RIF1: variants seen among roughly 807,000 people sequenced by gnomAD.
RIF1 encodes telomere-associated protein RIF1.
RIF1 carries 45 observed loss-of-function variants against 247.1 expected under a neutral mutation model. The observed-to-expected ratio is 0.18, with a 90% CI of 0.14 to 0.23. The LOEUF is 0.23. Among genes scored for constraint, RIF1 ranks in the 10% least tolerant of loss-of-function variants. The pLI, the probability that RIF1 is intolerant of heterozygous loss-of-function variation, is 1.00. For synonymous variants in RIF1, 1,087 were observed against 978.8 expected (o/e 1.11, Z -2.06); for missense variants, 2,967 against 2,862.5 (o/e 1.04, Z -0.83).
chr2:151,414,767 TA>T, intron 3 of RIF1, 55 bp from the exon 4 acceptor site: 3 of 1,271,976 alleles, frequency 2.4e-6, no homozygotes, highest in Non-Finnish European at 3.4e-6. Context: ...TTCTGCTTTC[TA>T]AAAATTGATT....
downstream of RIF1, among the ~76,000 whole-genome samples, chr2:151,484,507 A>T (rs766555736): frequency 2.6e-5 from 4 of 152,232 alleles, no homozygotes; most frequent in Non-Finnish European, 5.9e-5. Context: ...GAGACACAAG[A>T]ATCACTTGAA....
At chr2:151,500,264 C>T (rs2063429137) in intron 11 of RIF1, among the ~76,000 whole-genome samples, 1 of 152,040 alleles carries the variant, frequency 6.6e-6, no homozygotes, top group South Asian at 2.1e-4. Context: ...AAGAATCAAA[C>T]TTTTAGAATA....
downstream of RIF1, among the ~76,000 whole-genome samples, chr2:151,509,545 A>AT (rs1373600194): frequency 6.6e-6 from 1 of 152,124 alleles, no homozygotes; most frequent in Non-Finnish European, 1.5e-5. Flanking sequence ...CCCAGACCAA[A>AT]TTGAGGGTTG....
intron 11 of RIF1, 23 bp from the exon 12 acceptor site, chr2:151,436,804 C>T (rs201306875): frequency 7.8e-4 from 1,149 of 1,477,150 alleles, no homozygotes; most frequent in Non-Finnish European, 9.4e-4. Context: ...TATGACTTAA[C>T]TCTTTTTTTT....
At chr2:151,487,442 TC>T (rs1190953604) in intron 9 of RIF1, among the ~76,000 whole-genome samples, 2 of 152,194 alleles carry the variant, frequency 1.3e-5, no homozygotes, top group African/African-American at 4.8e-5. Flanking sequence ...AGATTTCCTT[TC>T]CCCTTTGCAT....
At position 151,436,227 on chromosome 2, in the gene RIF1, A is replaced by G. The variant is rs528419963; in HGVS notation, c.1196-600A>G. The stretch of plus-strand genomic sequence containing the variant: ...GGCGACAGAGTGAGACTCAGTCTCA[A>G]AAAAAACAAAATAAAACAAAAACAA... On this transcript the variant is annotated intron_variant, in intron 11 of 35. Transcript: ENST00000444746. Among the ~76,000 whole-genome samples, 4 of 152,126 alleles carry G rather than the reference A, an allele frequency of 2.6e-5. No individual in the cohort carries two copies. In the East Asian group the frequency reaches 7.7e-4, roughly 29 times the overall value.
At chr2:151,410,642 A>G in intron 2 of RIF1, 115 bp downstream of exon 2, 1 of 841,794 alleles carries the variant, frequency 1.2e-6, no homozygotes. Flanking sequence ...AGCAAATGTG[A>G]GGACGCCCGA....
the RIF1 span, chr2:151,519,826 G>T: frequency 8.7e-7 from 1 of 1,149,788 alleles, no homozygotes. Flanking sequence ...TTGGGAATTG[G>T]GGAATAGTAG....
At position 151,428,857 on chromosome 2, in the gene RIF1, C is replaced by T. The variant is rs1264161218; in HGVS notation, c.860C>T (p.Pro287Leu). 2.6e-6 allele frequency: 4 copies of T among 1,553,044 alleles called. No individual in the cohort carries two copies. The highest frequency in any genetic ancestry group is 2.7e-6 in the Non-Finnish European group (3 of 1,124,728). Residue 287 changes from proline to leucine, a missense_variant, in exon 9 of 36, where the codon CCC becomes CTC. Pro to Leu is a moderately conservative substitution (Grantham distance 98). This residue lies in a region of RIF1 where 71 missense variants were observed against 132.9 expected (regional missense o/e 0.53). Coordinates refer to ENST00000444746, the MANE Select transcript of RIF1 (RefSeq NM_018151.5). ...GAACTTGGATTTCGTAGTGGAGCAC[C>T]CATGATTAAAAAGATAGCTTTTATT... The part of the protein sequence containing the change: ...LEELGFRSGA[P>L]MIKKIAFIAW...
In RIF1 at chr2:151,494,218, T is replaced by TG. The variant is rs1330332139; in HGVS notation, c.*416-1010dup. 3 of 1,606,494 alleles carry TG rather than the reference T, an allele frequency of 1.9e-6. No homozygotes were observed. The South Asian group carries it at 3.4e-5, about 18-fold the overall frequency. ...TCTGCATCTCAGGAGTGACAGGGGT[T>TG]GCGGTGGCTTTCCCCACATTTTCTT... On this transcript the variant is annotated intron_variant and NMD_transcript_variant, in intron 9 of 13. Coordinates refer to the RIF1 transcript ENST00000454583.
chr2:151,533,482 T>C, the RIF1 span: 1 of 1,551,626 alleles, frequency 6.4e-7, no homozygotes, highest in Non-Finnish European at 8.7e-7. Flanking sequence ...AGTCAACATA[T>C]CTGGACGCAG....
Position 151,463,800 on chromosome 2 carries a change from C to T in RIF1, c.4280C>T (p.Ser1427Phe). Residue 1427 changes from serine to phenylalanine, a missense_variant, in exon 30 of 36, where the codon TCT becomes TTT. By Grantham distance (155) the Ser-to-Phe change is radical (BLOSUM62 -2). Transcript: ENST00000444746. ...SSRRRSEVVE[S>F]TTESQDKENS... Reference sequence around the variant, plus strand: ...AGGCGACGTTCAGAAGTAGTAGAGTCTACCACTGAAAGCCAAGATAAGGAA... The same window carrying T: ...AGGCGACGTTCAGAAGTAGTAGAGTTTACCACTGAAAGCCAAGATAAGGAA... 1 of 1,612,594 alleles carries T rather than the reference C, an allele frequency of 6.2e-7. No homozygotes were observed.
At chr2:151,490,827 T>C (rs190561841) in intron 9 of RIF1, among the ~76,000 whole-genome samples, 9 of 152,278 alleles carry the variant, frequency 5.9e-5, no homozygotes, top group African/African-American at 2.2e-4. Context: ...AATGAATAAA[T>C]AGTAATATTC....
intron 34 of RIF1, among the ~76,000 whole-genome samples, chr2:151,472,307 C>T (rs2048601156): frequency 6.6e-6 from 1 of 152,174 alleles, no homozygotes; most frequent in Admixed American, 6.5e-5. Flanking sequence ...ACAATCATGT[C>T]ATCTGCAAAC....
chr2:151,425,273 T>C (rs1006729680), intron 8 of RIF1, among the ~76,000 whole-genome samples: 3 of 152,174 alleles, frequency 2.0e-5, no homozygotes, highest in African/African-American at 7.2e-5. Flanking sequence ...GTTGTAGTTC[T>C]TTATATGTTT....
Position 151,481,881 on chromosome 2 carries a change from C to CGGTTTCAG in RIF1, c.*6810_*6811insGGTTTCAG, listed in dbSNP as rs1158825363. 6.6e-6 allele frequency: 1 copy of CGGTTTCAG among 152,212 alleles called. No homozygotes were observed. Among genetic ancestry groups the CGGTTTCAG allele is most frequent in the East Asian group, 1.9e-4 (1 of 5,194 alleles). The allele number at this position is 152,212 out of a possible 1,614,324, so 9.4% of individuals were successfully genotyped here. A position where few individuals can be genotyped will look rare whatever the true frequency, so the allele number is the denominator to read the frequency against. ...GAGGTGGAACAGTCTCATCCTGAAA[C>CGGTTTCAG]CATCTACCCCAACACCTGTGTCTGT... On this transcript the variant is annotated 3_prime_UTR_variant, in exon 36 of 36. Transcript: ENST00000444746.
the RIF1 span, among the ~76,000 whole-genome samples, chr2:151,521,122 A>G: frequency 6.6e-6 from 1 of 152,104 alleles, no homozygotes; most frequent in African/African-American, 2.4e-5. Context: ...AAGACTCACT[A>G]ACACCAGTAC....
chr2:151,435,527 C>T lies in RIF1; in HGVS notation c.1142C>T (p.Ser381Leu), dbSNP rs756092280. ...TCTAATGCCTCACCTCAGGGCAATTCGTGTCATGTAGCTACATCTCCAGGT... is the reference window on the plus strand; with the variant it reads ...TCTAATGCCTCACCTCAGGGCAATTTGTGTCATGTAGCTACATCTCCAGGT... ...IDSNASPQGN[S>L]CHVATSPGLN... The change falls in exon 11 of 36, where the codon TCG becomes TTG. Residue 381 changes from serine to leucine, a missense_variant. Ser to Leu is a moderately radical substitution (Grantham distance 145). This residue lies in a region of RIF1 where 369 missense variants were observed against 322.0 expected (regional missense o/e 1.15). Transcript: ENST00000444746. The T allele has an allele frequency of 2.8e-5, 45 of 1,612,366 alleles. No individual in the cohort carries two copies. Among genetic ancestry groups the T allele is most frequent in the Non-Finnish European group, 3.4e-5 (40 of 1,178,694 alleles).
chr2:151,499,187 A>G (rs1364612108), intron 10 of RIF1: 9 of 563,542 alleles, frequency 1.6e-5, no homozygotes, highest in Non-Finnish European at 2.4e-5. Context: ...GTTGGGAAAA[A>G]GACAGGTCAA....
Sources: gnomAD v4.1 joint callset for allele counts (sites outside exome capture counted in the v4.1 genomes callset) on GRCh38, gnomAD v4.1.1 for gene constraint, gnomAD v4.1.1 regional missense constraint, MANE v1.5 for transcripts, NCBI Gene and HGNC (gene_info 2026-07-23, HGNC 2026-07-21) for gene names.